The following BRCA2 variants were observed in gnomAD, a reference collection of about 807,000 sequenced individuals.
BRCA2 encodes the protein BRCA2 DNA repair associated, also known as breast cancer type 2 susceptibility protein.
BRCA2 carries 203 observed loss-of-function variants against 276.7 expected under a neutral mutation model. That is an observed-to-expected ratio of 0.73 (90% CI 0.65 to 0.82). The LOEUF is 0.82. Among genes scored for constraint, BRCA2 ranks in the 40% least tolerant of loss-of-function variants. The pLI is 0.00. For missense variants in BRCA2, 3,920 were observed against 3,915.0 expected (o/e 1.00, Z -0.03); for synonymous variants, 1,289 against 1,338.4 (o/e 0.96, Z 0.81).
chr13:32,381,522 A>C (rs948406568), intron 24 of BRCA2, among the ~76,000 whole-genome samples: 1 of 152,198 alleles, frequency 6.6e-6, no homozygotes, highest in African/African-American at 2.4e-5. Context: ...AAAGCTTTCC[A>C]GGCAATTACA....
chr13:32,322,340 G>C (rs2072311355), intron 3 of BRCA2, among the ~76,000 whole-genome samples: 1 of 152,198 alleles, frequency 6.6e-6, no homozygotes. Context: ...GGAATTAAAG[G>C]CACACAGAAA....
At chr13:32,378,817 G>T (rs1344176304) in intron 21 of BRCA2, among the ~76,000 whole-genome samples, 1 of 152,096 alleles carries the variant, frequency 6.6e-6, no homozygotes, top group Non-Finnish European at 1.5e-5. Flanking sequence ...GTTTTAAATT[G>T]TATCTACTAT....
chr13:32,394,810 G>A lies in BRCA2; in HGVS notation c.9378G>A (p.Gln3126=), dbSNP rs786203495. ...PHMLIAASNL[Q]WRPESKSGLL... is the part of the protein sequence containing the mutation. ...TGTTAATTGCTGCAAGCAACCTCCA[G>A]TGGCGACCAGAATCCAAATCAGGCC... Residue 3126 remains glutamine, a synonymous_variant, in exon 25 of 27, where the codon CAG becomes CAA. Transcript: ENST00000380152. The A allele has an allele frequency of 6.2e-7, 1 of 1,614,110 alleles. No individual in the cohort carries two copies. Among genetic ancestry groups the A allele is most frequent in the Non-Finnish European group, 8.5e-7 (1 of 1,179,992 alleles).
chr13:32,345,147 G>A (rs1184524071), intron 12 of BRCA2, among the ~76,000 whole-genome samples: 1 of 151,978 alleles, frequency 6.6e-6, no homozygotes, highest in Non-Finnish European at 1.5e-5. Flanking sequence ...TTTTCTTGTA[G>A]GTGACAAGCT....
chr13:32,321,313 G>C (rs1176194350), intron 3 of BRCA2, among the ~76,000 whole-genome samples: 2 of 152,114 alleles, frequency 1.3e-5, no homozygotes, highest in Non-Finnish European at 2.9e-5. Context: ...TGACCTCTAA[G>C]TACTCAGTCT....
intron 24 of BRCA2, among the ~76,000 whole-genome samples, chr13:32,390,676 A>G (rs530162953): frequency 6.6e-5 from 10 of 152,278 alleles, no homozygotes; most frequent in African/African-American, 9.6e-5. Context: ...CTTTTGAAGC[A>G]TTTTGTTGGT....
chr13:32,376,940 T>G (rs544394933), intron 21 of BRCA2, 149 bp downstream of exon 21: 291 of 1,182,262 alleles, frequency 2.5e-4, no homozygotes, highest in Middle Eastern at 1.1e-3. Flanking sequence ...TTCAGTGATG[T>G]GCCAGACGAG....
In BRCA2 at chr13:32,370,556, A is replaced by G. The variant is rs80359100; in HGVS notation, c.8486A>G (p.Gln2829Arg). ...DVIIQRAYPI[Q>R]WMEKTSSGLY... ...ATTATTCAAAGAGCATACCCTATAC[A>G]GGTATGATGTATTCTTGAAACTTAC... Residue 2829 changes from glutamine (Q) to arginine (R), a missense_variant and splice_region_variant, in exon 19 of 27, where the codon CAG (glutamine) becomes CGG (arginine). By Grantham distance (43) the Gln-to-Arg change is conservative. Coordinates refer to ENST00000380152, the MANE Select transcript of BRCA2 (RefSeq NM_000059.4). The G allele has an allele frequency of 6.2e-7, 1 of 1,608,686 alleles. No homozygotes were observed. The highest frequency in any genetic ancestry group is 8.5e-7 in the Non-Finnish European group (1 of 1,175,124).
intron 3 of BRCA2, among the ~76,000 whole-genome samples, chr13:32,321,096 G>A (rs1368312987): frequency 6.6e-6 from 1 of 152,058 alleles, no homozygotes; most frequent in Non-Finnish European, 1.5e-5. Context: ...AAGTAAATAT[G>A]GAACATAAAA....
chr13:32,334,392 T>C (rs2072432893), intron 10 of BRCA2, among the ~76,000 whole-genome samples: 1 of 152,160 alleles, frequency 6.6e-6, no homozygotes, highest in Non-Finnish European at 1.5e-5. Context: ...GTTAAAAAAA[T>C]AGGCTAGATA....
In BRCA2 at chr13:32,354,890, A is replaced by G. The variant is rs397507381; in HGVS notation, c.7037A>G (p.Asn2346Ser). 6.2e-7 allele frequency: 1 copy of G among 1,611,438 alleles called. No individual in the cohort carries two copies. Among genetic ancestry groups the G allele is most frequent in the African/African-American group, 1.3e-5 (1 of 74,960 alleles). Residue 2346 changes from asparagine to serine, a missense_variant, in exon 14 of 27, where the codon AAT (asparagine) becomes AGT (serine). Around this residue, in one of 2 missense-constraint regions of BRCA2, gnomAD observed 3,263 missense variants for 3,156.9 expected, o/e 1.03. Transcript: ENST00000380152. The stretch of plus-strand genomic sequence containing the variant: ...ACTAAGGAACGTCAAGAGATACAGA[A>G]TCCAAATTTTACCGCACCTGGTCAA... ...RTTKERQEIQNPNFTAPGQEF... is the reference protein window; with the variant it reads ...RTTKERQEIQSPNFTAPGQEF...
At position 32,369,279 on chromosome 13, in the gene BRCA2, A is replaced by G. The variant is rs1379231508; in HGVS notation, c.8332-1123A>G. The stretch of plus-strand genomic sequence containing the variant: ...TGGGTTCTTTTTTAGTATGAGGGAG[A>G]GACAGCCACCTGGCTACTTGGGATA... On this transcript the variant is annotated intron_variant, in intron 18 of 26. Coordinates refer to ENST00000380152, the MANE Select transcript of BRCA2 (RefSeq NM_000059.4). 2.6e-5 allele frequency among the ~76,000 whole-genome samples: 4 copies of G among 151,672 alleles called. No homozygotes were observed. In the South Asian group the frequency reaches 6.2e-4, roughly 24 times the overall value.
rs200582465 is a variant in BRCA2 at position 32,339,174 on chromosome 13, A to T, written c.4819A>T (p.Ile1607Phe). The stretch of plus-strand genomic sequence containing the variant: ...CAATAATGATAAAAACCTTGTTTCT[A>T]TTGAGACTGTGGTGCCACCTAAGCT... Reference protein sequence around the residue: ...SLNNDKNLVSIETVVPPKLLS... With the variant: ...SLNNDKNLVSFETVVPPKLLS... The change falls in exon 11 of 27, where the codon ATT becomes TTT. Residue 1607 changes from isoleucine to phenylalanine, a missense_variant. Physicochemically the swap from Ile to Phe is conservative, Grantham distance 21. Coordinates refer to ENST00000380152, the MANE Select transcript of BRCA2 (RefSeq NM_000059.4). 1 of 1,613,870 alleles carries T rather than the reference A, an allele frequency of 6.2e-7. No homozygotes were observed. Among genetic ancestry groups the T allele is most frequent in the South Asian group, 1.1e-5 (1 of 91,086 alleles).
At chr13:32,319,031 T>C (rs2138703232) in intron 2 of BRCA2, 46 bp from the exon 3 acceptor site, 1 of 1,606,130 alleles carries the variant, frequency 6.2e-7, no homozygotes. Flanking sequence ...GTCACAAATT[T>C]GTCTGTCACT....
intron 24 of BRCA2, among the ~76,000 whole-genome samples, chr13:32,387,582 C>G (rs1171044084): frequency 6.6e-6 from 1 of 152,128 alleles, no homozygotes; most frequent in South Asian, 2.1e-4. Flanking sequence ...TTGTGGAAGC[C>G]TGGATATTAC....
intron 13 of BRCA2, 115 bp downstream of exon 13, chr13:32,347,011 T>TTTTACAAAA (rs1284356614): frequency 7.0e-6 from 5 of 717,448 alleles, no homozygotes; most frequent in Non-Finnish European, 1.1e-5. Flanking sequence ...ACACTTCCCG[T>TTTTACAAAA]TTTATAAAAT....
chr13:32,378,713 G>T (rs2072890746), intron 21 of BRCA2, among the ~76,000 whole-genome samples: 1 of 152,118 alleles, frequency 6.6e-6, no homozygotes, highest in South Asian at 2.1e-4. Flanking sequence ...TTGTTACACT[G>T]GGTAAGATTC....
In BRCA2 at chr13:32,336,377, A is replaced by G. The variant is rs758677638; in HGVS notation, c.2022A>G (p.Glu674=). 6 of 1,611,124 alleles carry G rather than the reference A, an allele frequency of 3.7e-6. No individual in the cohort carries two copies. Among genetic ancestry groups the G allele is most frequent in the Non-Finnish European group, 5.1e-6 (6 of 1,178,910 alleles). ...GTILRKCSRN[E]TCSNNTVISQ... is the part of the protein sequence containing the mutation. Reference sequence around the variant, plus strand: ...TTCTGAGGAAATGTTCTAGAAATGAAACATGTTCTAATAATACAGTAATCT... The same window carrying G: ...TTCTGAGGAAATGTTCTAGAAATGAGACATGTTCTAATAATACAGTAATCT... The change falls in exon 11 of 27, where the codon GAA becomes GAG. Residue 674 remains glutamate, a synonymous_variant. Coordinates refer to ENST00000380152, the MANE Select transcript of BRCA2 (RefSeq NM_000059.4).
chr13:32,318,885 T>C (rs760511134), intron 2 of BRCA2, among the ~76,000 whole-genome samples, 192 bp from the exon 3 acceptor site: 1 of 152,244 alleles, frequency 6.6e-6, no homozygotes, highest in Non-Finnish European at 1.5e-5. Context: ...GTAACTTTTG[T>C]GAACTCTTGT....
Sources: allele counts gnomAD v4.1 joint callset (sites outside exome capture counted in the v4.1 genomes callset), GRCh38; gene constraint gnomAD v4.1.1; regional missense constraint gnomAD v4.1.1; transcripts MANE v1.5; gene names NCBI Gene and HGNC (gene_info 2026-07-23, HGNC 2026-07-21).